Variants in LTBP1 observed in about 807,000 individuals in gnomAD.
LTBP1 encodes latent-transforming growth factor beta-binding protein 1.
A neutral mutation model predicts 207.6 loss-of-function variants in LTBP1; 129 were observed. The ratio of observed to expected loss-of-function variants is 0.62; its 90% CI spans 0.54 to 0.72. The LOEUF (loss-of-function observed/expected upper bound fraction) is 0.72. Ranked by LOEUF, LTBP1 falls within the 30% of genes least tolerant of loss-of-function variation. The probability of loss-of-function intolerance (pLI) is 0.00; values close to 1 mark genes in which losing one functional copy is unlikely to be tolerated. For synonymous variants in LTBP1, 963 were observed against 833.7 expected (o/e 1.16, Z -2.67); for missense variants, 2,281 against 2,217.2 (o/e 1.03, Z -0.58).
chr2:33,191,431 C>G (rs1415175320), intron 7 of LTBP1, among the ~76,000 whole-genome samples: 1 of 152,192 alleles, frequency 6.6e-6, no homozygotes, highest in Admixed American at 6.5e-5. Flanking sequence ...CTCACTCATA[C>G]ACAGCTTCAA....
chr2:33,235,949 C>G (rs768356692), intron 9 of LTBP1, among the ~76,000 whole-genome samples: 3 of 152,088 alleles, frequency 2.0e-5, no homozygotes, highest in Non-Finnish European at 4.4e-5. Flanking sequence ...AAATACCTAA[C>G]GTAGATGGCG....
At chr2:33,270,588 T>TC (rs1229091261) in intron 15 of LTBP1, among the ~76,000 whole-genome samples, 1,669 of 31,184 alleles carry the variant, frequency 0.054, 33 homozygotes, top group African/African-American at 0.16. Flanking sequence ...AGACTCCGTC[T>TC]CAAAAAAAAA....
At chr2:33,337,189 C>T (rs879401975) in intron 24 of LTBP1, among the ~76,000 whole-genome samples, 1 of 152,094 alleles carries the variant, frequency 6.6e-6, no homozygotes, top group Admixed American at 6.5e-5. Context: ...TGCATGGGTT[C>T]GAGTTCTACT....
At chr2:33,350,224 C>T (rs896362859) in intron 26 of LTBP1, among the ~76,000 whole-genome samples, 1 of 152,192 alleles carries the variant, frequency 6.6e-6, no homozygotes, top group African/African-American at 2.4e-5. Flanking sequence ...CCAGTATAGG[C>T]TATCACATTT....
chr2:33,039,897 C>T (rs968286807), intron 3 of LTBP1, among the ~76,000 whole-genome samples: 4 of 151,784 alleles, frequency 2.6e-5, no homozygotes, highest in Non-Finnish European at 2.9e-5. Context: ...TTTTAGATGA[C>T]GAAGCTTGGT....
At chr2:32,957,053 T>TTG (rs1678192640) in intron 2 of LTBP1, among the ~76,000 whole-genome samples, 1 of 152,170 alleles carries the variant, frequency 6.6e-6, no homozygotes, top group Non-Finnish European at 1.5e-5. Flanking sequence ...CCAGTCTTTG[T>TTG]TGTTCCATTT....
In LTBP1 at chr2:33,262,834, G is replaced by A. The variant is rs889459300; in HGVS notation, c.2518+13G>A. The stretch of plus-strand genomic sequence containing the variant: ...CCACAGTTTCCAGGTAGCCTGTGTT[G>A]ATCTGTGCTGTTTGTCAGAGTATTC... On this transcript the variant is annotated intron_variant, in intron 14 of 33. Coordinates refer to ENST00000404816, the MANE Select transcript of LTBP1 (RefSeq NM_206943.4). 10 of 1,569,666 alleles carry A rather than the reference G, an allele frequency of 6.4e-6. No homozygotes were observed. Among genetic ancestry groups the A allele is most frequent in the Non-Finnish European group, 8.7e-6 (10 of 1,147,908 alleles).
At chr2:33,120,721 G>A (rs1210976140) in intron 4 of LTBP1, among the ~76,000 whole-genome samples, 1 of 152,212 alleles carries the variant, frequency 6.6e-6, no homozygotes, top group Non-Finnish European at 1.5e-5. Context: ...TAATGGGATT[G>A]CTGGGTTGAA....
At chr2:33,233,734 T>G (rs137967839) in intron 9 of LTBP1, among the ~76,000 whole-genome samples, 142 of 152,284 alleles carry the variant, frequency 9.3e-4, no homozygotes, top group African/African-American at 3.2e-3. Flanking sequence ...TGATACTGTT[T>G]GCATAAGAAT....
At chr2:33,062,814 T>A (rs1239969795) in intron 3 of LTBP1, among the ~76,000 whole-genome samples, 1 of 152,180 alleles carries the variant, frequency 6.6e-6, no homozygotes, top group Non-Finnish European at 1.5e-5. Context: ...GACGAATGTG[T>A]GGGTAGTATG....
rs757007022 is a variant in LTBP1, at chr2:33,252,695, C to G, written c.2018C>G (p.Ser673Trp). 1 of 1,612,048 alleles carries G rather than the reference C, an allele frequency of 6.2e-7. No homozygotes were observed. ...GCTTCAGCTGATCCCCCTGTGATCT[C>G]GGAAGAGAAAGGGCCCTGTTACCGA... ...SSCVPDPPVI[S>W]EEKGPCYRLV... is the part of the protein sequence containing the mutation. Residue 673 changes from serine to tryptophan, a missense_variant, in exon 11 of 34, where the codon TCG (serine) becomes TGG (tryptophan). Ser to Trp is a radical substitution (Grantham distance 177, BLOSUM62 -3). This residue lies in a region of LTBP1 where 1,671 missense variants were observed against 1,634.8 expected (regional missense o/e 1.02). Transcript: ENST00000404816.
intron 2 of LTBP1, among the ~76,000 whole-genome samples, chr2:32,969,118 G>C (rs1680444260): frequency 6.6e-6 from 1 of 151,558 alleles, no homozygotes; most frequent in African/African-American, 2.4e-5. Flanking sequence ...TAGAGATGGG[G>C]TTTCACCATG....
chr2:33,365,338 A>G lies in LTBP1; in HGVS notation c.4546A>G (p.Ile1516Val). The G allele has an allele frequency of 1.2e-6, 2 of 1,614,158 alleles. No homozygotes were observed. The highest frequency in any genetic ancestry group is 2.2e-5 in the East Asian group (1 of 44,892). ...CIRPAESNEQ[I>V]EETDVYQDLC... is the part of the protein sequence containing the mutation. ...AACTATGTCTTCCCTTTCAGAACAA[A>G]TAGAAGAAACTGATGTCTACCAAGA... The change falls in exon 31 of 34, where the codon ATA (isoleucine) becomes GTA (valine). Residue 1516 changes from isoleucine (I) to valine (V), a missense_variant. Physicochemically the swap from Ile to Val is conservative, Grantham distance 29. Coordinates refer to ENST00000404816, the MANE Select transcript of LTBP1 (RefSeq NM_206943.4).
intron 24 of LTBP1, among the ~76,000 whole-genome samples, chr2:33,340,868 G>C (rs766569015): frequency 1.1e-4 from 17 of 152,076 alleles, no homozygotes; most frequent in Non-Finnish European, 2.1e-4. Context: ...TCCATTTACA[G>C]ATAGACTGTA....
chr2:33,342,711 G>A lies in LTBP1; in HGVS notation c.3731-127G>A, dbSNP rs139635418. The A allele has an allele frequency of 1.4e-4, 116 of 828,362 alleles. No homozygotes were observed. The African/African-American group carries it at 1.7e-3, about 12-fold the overall frequency. The allele number at this position is 828,362 out of a possible 1,614,324, so 51.3% of individuals were successfully genotyped here. A position where few individuals can be genotyped will look rare whatever the true frequency, so the allele number is the denominator to read the frequency against. On this transcript the variant is annotated intron_variant, in intron 24 of 33. Transcript: ENST00000404816. ...AAATATTTTAAAAGCTGTTTTCTGT[G>A]TAAACATGTTCATCTCATCATCACA...
intron 7 of LTBP1, among the ~76,000 whole-genome samples, chr2:33,197,845 C>T (rs190063015): frequency 1.5e-4 from 23 of 152,268 alleles, no homozygotes; most frequent in Non-Finnish European, 2.9e-4. Context: ...AACCCAGGAA[C>T]CTGCCTCGTA....
intron 7 of LTBP1, among the ~76,000 whole-genome samples, chr2:33,192,165 C>T (rs1310584276): frequency 1.3e-5 from 2 of 152,124 alleles, no homozygotes; most frequent in Non-Finnish European, 2.9e-5. Flanking sequence ...GCTTGGGATT[C>T]TTGGCAGGCT....
At chr2:33,305,299 G>C (rs1317676042) in intron 22 of LTBP1, among the ~76,000 whole-genome samples, 3 of 152,104 alleles carry the variant, frequency 2.0e-5, no homozygotes, top group Non-Finnish European at 4.4e-5. Flanking sequence ...ACTCCAGCCT[G>C]GGCAACAGAG....
At chr2:33,269,422 G>C (rs1035208661) in intron 15 of LTBP1, among the ~76,000 whole-genome samples, 2 of 152,188 alleles carry the variant, frequency 1.3e-5, no homozygotes, top group Non-Finnish European at 2.9e-5. Flanking sequence ...GTAGGGAAGA[G>C]TAGGGCTGTC....
Sources: gnomAD v4.1 joint callset for allele counts (sites outside exome capture counted in the v4.1 genomes callset) on GRCh38, gnomAD v4.1.1 for gene constraint, gnomAD v4.1.1 regional missense constraint, MANE v1.5 for transcripts, NCBI Gene and HGNC (gene_info 2026-07-23, HGNC 2026-07-21) for gene names.